The following SUMO3 variants were observed in gnomAD, a reference collection of about 807,000 sequenced individuals.
SUMO3 encodes small ubiquitin-related modifier 3.
Under a neutral mutation model 11.1 loss-of-function variants are expected in SUMO3, and 2 were observed. The ratio of observed to expected loss-of-function variants is 0.18; its 90% confidence interval spans 0.07 to 0.57. The LOEUF (loss-of-function observed/expected upper bound fraction) is 0.57. Ranked by LOEUF, SUMO3 falls within the 20% of genes least tolerant of loss-of-function variation. SUMO3 has a pLI of 0.92. For synonymous variants in SUMO3, 56 were observed against 53.5 expected (o/e 1.05, Z -0.20); for missense variants, 70 against 132.8 (o/e 0.53, Z 2.32).
intron 1 of SUMO3, among the ~76,000 whole-genome samples, chr21:44,817,710 G>A (rs866224619): frequency 1.5e-4 from 23 of 151,120 alleles, no homozygotes; most frequent in Non-Finnish European, 2.7e-4. Flanking sequence ...GAGGAGACGG[G>A]CGTGGAGCGG....
intron 2 of SUMO3, chr21:44,813,437 G>T: frequency 4.8e-6 from 1 of 209,370 alleles, no homozygotes; most frequent in Non-Finnish European, 9.8e-6. Context: ...ACCCAGCTGG[G>T]CACTGCCAGT....
intron 1 of SUMO3, among the ~76,000 whole-genome samples, chr21:44,815,570 G>C (rs1037793513): frequency 2.0e-5 from 3 of 152,172 alleles, no homozygotes; most frequent in African/African-American, 7.2e-5. Context: ...CATGCAAACA[G>C]CTCCAGGCAG....
rs920407051 is a variant in SUMO3 at position 44,806,915 on chromosome 21, T to G, written c.*36A>C. On this transcript the variant is annotated 3_prime_UTR_variant, in exon 4 of 4. Coordinates refer to ENST00000332859, the MANE Select transcript of SUMO3 (RefSeq NM_006936.3). ...TCACGTGCTCACCATTCAACAGCAA[T>G]GCGAGGATGGACGGCCCGGGCTGGG... 2 of 1,613,546 alleles carry G rather than the reference T, an allele frequency of 1.2e-6. No homozygotes were observed. Among genetic ancestry groups the G allele is most frequent in the Non-Finnish European group, 1.7e-6 (2 of 1,179,726 alleles).
In SUMO3 at chr21:44,809,121, G is replaced by C; in HGVS notation, c.151-3C>G. 1.2e-6 allele frequency: 2 copies of C among 1,613,910 alleles called. No homozygotes were observed. Among genetic ancestry groups the C allele is most frequent in the Non-Finnish European group, 1.7e-6 (2 of 1,179,878 alleles). On this transcript the variant is annotated splice_region_variant and splice_polypyrimidine_tract_variant and intron_variant, in intron 2 of 3. Transcript: ENST00000332859. ...CTGATCTGCCTCATTGACAAGCCCT[G>C]GAAAGGAAAAGCAGTGGCCATTAGT...
chr21:44,809,238 A>G (rs1397809552), intron 2 of SUMO3, 120 bp from the exon 3 acceptor site: 4 of 936,658 alleles, frequency 4.3e-6, no homozygotes, highest in Non-Finnish European at 6.7e-6. Flanking sequence ...AAACATTTCC[A>G]GATACGGCTT....
At chr21:44,813,837 G>C in intron 2 of SUMO3, 139 bp downstream of exon 2, 1 of 1,549,840 alleles carries the variant, frequency 6.5e-7, no homozygotes. Flanking sequence ...ACAAGCCCCC[G>C]CCTGCCCATC....
At chr21:44,817,581 G>C (rs2083253742) in intron 1 of SUMO3, among the ~76,000 whole-genome samples, 1 of 151,928 alleles carries the variant, frequency 6.6e-6, no homozygotes, top group South Asian at 2.1e-4. Context: ...AGCACGCAAA[G>C]ACGCTTCGGG....
At position 44,806,179 on chromosome 21, in the gene SUMO3, T is replaced by G. The variant is rs1569306376; in HGVS notation, c.*772A>C. Reference sequence around the variant, plus strand: ...CCAAATGAGAAATGTGGGAATTTCTTCAATATTAAGAGGGAGAAAAAGGCC... The same window carrying G: ...CCAAATGAGAAATGTGGGAATTTCTGCAATATTAAGAGGGAGAAAAAGGCC... On this transcript the variant is annotated 3_prime_UTR_variant, in exon 4 of 4. Transcript: ENST00000332859. 6.7e-6 allele frequency: 1 copy of G among 149,094 alleles called. No individual in the cohort carries two copies. The highest frequency in any genetic ancestry group is 2.2e-4 in the South Asian group (1 of 4,598). 9.2% of individuals were successfully genotyped at this position (149,094 alleles called of 1,614,324 possible). A position where few individuals can be genotyped will look rare whatever the true frequency, so the allele number is the denominator to read the frequency against.
intron 2 of SUMO3, chr21:44,813,421 G>GTGTA: frequency 1.5e-5 from 3 of 197,086 alleles, no homozygotes; most frequent in South Asian, 1.1e-4. Flanking sequence ...CAGCCAGAAG[G>GTGTA]CATCCACCCA....
rs755432737 is a variant in SUMO3, at chr21:44,809,122, G to A, written c.151-4C>T. On this transcript the variant is annotated splice_region_variant and splice_polypyrimidine_tract_variant and intron_variant, in intron 2 of 3. Transcript: ENST00000332859. ...TGATCTGCCTCATTGACAAGCCCTG[G>A]AAAGGAAAAGCAGTGGCCATTAGTC... The A allele has an allele frequency of 1.2e-6, 2 of 1,613,886 alleles. No individual in the cohort carries two copies. The highest frequency in any genetic ancestry group is 2.2e-5 in the South Asian group (2 of 91,068).
chr21:44,809,316 G>A (rs1327801633), intron 2 of SUMO3, among the ~76,000 whole-genome samples, 198 bp from the exon 3 acceptor site: 1 of 152,230 alleles, frequency 6.6e-6, no homozygotes, highest in Non-Finnish European at 1.5e-5. Context: ...ATCCAGCTCA[G>A]TATTAAAAAC....
intron 2 of SUMO3, among the ~76,000 whole-genome samples, chr21:44,813,082 T>A (rs142762786): frequency 3.7e-4 from 57 of 152,328 alleles, no homozygotes; most frequent in Non-Finnish European, 6.5e-4. Context: ...CAGTCGCCAG[T>A]GACTGCCCCT....
Position 44,809,057 on chromosome 21 carries a change from G to A in SUMO3, c.212C>T (p.Thr71Ile). 1 of 1,614,104 alleles carries A rather than the reference G, an allele frequency of 6.2e-7. No individual in the cohort carries two copies. The highest frequency in any genetic ancestry group is 1.1e-5 in the South Asian group (1 of 91,082). Residue 71 changes from threonine to isoleucine, a missense_variant, in exon 3 of 4, where the codon ACT becomes ATT. Thr to Ile is a moderately conservative substitution (Grantham distance 89). Transcript: ENST00000332859. The part of the protein sequence containing the change: ...FDGQPINETD[T>I]PAQLEMEDED... ...AAGCCAGCTCCGTACCTGTGCTGGAGTGTCAGTTTCATTGATTGGCTGCCC... is the reference window on the plus strand; with the variant it reads ...AAGCCAGCTCCGTACCTGTGCTGGAATGTCAGTTTCATTGATTGGCTGCCC...
chr21:44,809,949 C>T (rs989874904), intron 2 of SUMO3, among the ~76,000 whole-genome samples: 1 of 152,162 alleles, frequency 6.6e-6, no homozygotes, highest in Non-Finnish European at 1.5e-5. Flanking sequence ...CTACTTCCCC[C>T]CTTTACAAAG....
chr21:44,814,078 G>A lies in SUMO3; in HGVS notation c.48C>T (p.His16=). ...CCTGCCCGGCCACCTTCAGGTTGAT[G>A]TGGTCATTCTCTGTCTTCACACCCT... ...PKEGVKTEND[H]INLKVAGQDG... is the part of the protein sequence containing the mutation. Residue 16 remains histidine (H), a synonymous_variant, in exon 2 of 4, where the codon CAC becomes CAT. Transcript: ENST00000332859. The A allele has an allele frequency of 9.9e-6, 16 of 1,613,976 alleles. No homozygotes were observed. The highest frequency in any genetic ancestry group is 1.4e-5 in the Non-Finnish European group (16 of 1,180,036).
At chr21:44,812,956 C>A (rs931855820) in intron 2 of SUMO3, among the ~76,000 whole-genome samples, 2 of 152,252 alleles carry the variant, frequency 1.3e-5, no homozygotes, top group Non-Finnish European at 2.9e-5. Context: ...GCTGGGAAGA[C>A]CGGGACCTGC....
In SUMO3 at chr21:44,811,048, G is replaced by A. The variant is rs370894712; in HGVS notation, c.151-1930C>T. On this transcript the variant is annotated intron_variant, in intron 2 of 3. Transcript: ENST00000332859. The surrounding 1 kb of genome is among the most constrained non-coding windows in gnomAD (Gnocchi z 5.0). Reference sequence around the variant, plus strand: ...CACGCACACACCCACATACACACACGCACACACCCACACATACACACACAC... The same window carrying A: ...CACGCACACACCCACATACACACACACACACACCCACACATACACACACAC... Among the ~76,000 whole-genome samples the A allele has an allele frequency of 0.013, 1,089 of 80,854 alleles. 14 individuals carry two copies. Among genetic ancestry groups the A allele is most frequent in the Middle Eastern group, 0.078 (8 of 102 alleles). 53.0% of individuals were successfully genotyped at this position (80,854 alleles called of 152,430 possible). A position where few individuals can be genotyped will look rare whatever the true frequency, so the allele number is the denominator to read the frequency against.
intron 1 of SUMO3, among the ~76,000 whole-genome samples, chr21:44,814,904 G>C (rs1348638488): frequency 6.6e-6 from 1 of 152,240 alleles, no homozygotes; most frequent in African/African-American, 2.4e-5. Flanking sequence ...AATGCATTTT[G>C]AGTTGAGGCA....
rs2083173813 is a variant in SUMO3 at position 44,806,028 on chromosome 21, A to G, written c.*923T>C. ...GGGTTCATTTGTAACCACACTTGGA[A>G]GTAGCTCTTATACACGACAACATAA... On this transcript the variant is annotated 3_prime_UTR_variant, in exon 4 of 4. Transcript: ENST00000332859. 6.6e-6 allele frequency: 1 copy of G among 152,232 alleles called. No homozygotes were observed. Among genetic ancestry groups the G allele is most frequent in the South Asian group, 2.1e-4 (1 of 4,830 alleles). 9.4% of individuals were successfully genotyped at this position (152,232 alleles called of 1,614,324 possible). A position where few individuals can be genotyped will look rare whatever the true frequency, so the allele number is the denominator to read the frequency against.
Sources: allele counts gnomAD v4.1 joint callset (sites outside exome capture counted in the v4.1 genomes callset), GRCh38; gene constraint gnomAD v4.1.1; non-coding constraint Gnocchi (gnomAD v3.1); transcripts MANE v1.5; gene names NCBI Gene and HGNC (gene_info 2026-07-23, HGNC 2026-07-21).